The following TMTC1 variants were observed in gnomAD, a reference collection of about 807,000 sequenced individuals.
TMTC1 encodes transmembrane O-mannosyltransferase targeting cadherins 1.
TMTC1 carries 73 observed loss-of-function variants against 104.8 expected under a neutral mutation model. That is an observed-to-expected ratio of 0.70 (90% CI 0.58 to 0.85). The LOEUF (loss-of-function observed/expected upper bound fraction) is 0.85. TMTC1 is among the 40% of genes least tolerant of loss of function. The pLI, the probability that TMTC1 is intolerant of heterozygous loss-of-function variation, is 0.00. For synonymous variants in TMTC1, 434 were observed against 428.7 expected, an observed-to-expected ratio of 1.01 and a Z score of -0.15; for missense variants, 1,035 against 1,096.1, an observed-to-expected ratio of 0.94 and a Z score of 0.79.
intron 8 of TMTC1, among the ~76,000 whole-genome samples, chr12:29,581,070 GCA>G (rs1335074577): frequency 6.6e-6 from 1 of 152,124 alleles, no homozygotes; most frequent in Non-Finnish European, 1.5e-5. Flanking sequence ...AGAAATTAAA[GCA>G]CAGAGTGGAT....
chr12:29,612,919 A>G (rs1946882217), intron 6 of TMTC1, among the ~76,000 whole-genome samples: 1 of 152,230 alleles, frequency 6.6e-6, no homozygotes, highest in African/African-American at 2.4e-5. Context: ...CCTTCTTAGT[A>G]AGGAAAGTGA....
intron 5 of TMTC1, among the ~76,000 whole-genome samples, chr12:29,725,566 T>C (rs1942367421): frequency 6.6e-6 from 1 of 152,166 alleles, no homozygotes; most frequent in African/African-American, 2.4e-5. Context: ...AAAGGCAGAA[T>C]TGAAAGACTA....
chr12:29,571,508 G>A (rs1403541006), intron 9 of TMTC1, among the ~76,000 whole-genome samples: 1 of 151,906 alleles, frequency 6.6e-6, no homozygotes, highest in Non-Finnish European at 1.5e-5. Flanking sequence ...TTCTCTTGAA[G>A]CCATATCTAA....
intron 6 of TMTC1, among the ~76,000 whole-genome samples, chr12:29,628,290 T>C (rs1319395566): frequency 6.6e-6 from 1 of 152,100 alleles, no homozygotes; most frequent in Admixed American, 6.5e-5. Flanking sequence ...TATTCAGCCA[T>C]GAAAAGGAAC....
chr12:29,746,959 T>C (rs1379132992), intron 5 of TMTC1, among the ~76,000 whole-genome samples: 2 of 152,150 alleles, frequency 1.3e-5, no homozygotes, highest in African/African-American at 2.4e-5. Context: ...TGACACATAG[T>C]AGGTGCTCAG....
chr12:29,578,137 T>C (rs1467654240), intron 8 of TMTC1, among the ~76,000 whole-genome samples: 1 of 152,058 alleles, frequency 6.6e-6, no homozygotes, highest in African/African-American at 2.4e-5. Context: ...ACATGGTCTC[T>C]GCTGAGATCA....
chr12:29,783,476 G>A lies in TMTC1; in HGVS notation c.276C>T (p.Tyr92=), dbSNP rs1017268344. The change falls in exon 1 of 18, where the codon TAC becomes TAT. Residue 92 remains tyrosine, a synonymous_variant. Coordinates refer to ENST00000539277, the MANE Select transcript of TMTC1 (RefSeq NM_001193451.2). The surrounding 1 kb of genome is among the most constrained non-coding windows in gnomAD (Gnocchi z 4.7). ...GMAENTSHKS[Y]RPLCVLTFKL... ...TGAAGGTGAGGACGCAGAGCGGCCGGTAGGACTTGTGGCTGGTGTTCTCGG... is the reference window on the plus strand; with the variant it reads ...TGAAGGTGAGGACGCAGAGCGGCCGATAGGACTTGTGGCTGGTGTTCTCGG... 82 of 1,352,226 alleles carry A rather than the reference G, an allele frequency of 6.1e-5. No homozygotes were observed. Among genetic ancestry groups the A allele is most frequent in the Non-Finnish European group, 7.8e-5 (82 of 1,045,900 alleles). The allele number at this position is 1,352,226 out of a possible 1,614,324, so 83.8% of individuals were successfully genotyped here.
intron 11 of TMTC1, among the ~76,000 whole-genome samples, chr12:29,523,786 T>G (rs936667013): frequency 6.6e-6 from 1 of 152,018 alleles, no homozygotes; most frequent in Non-Finnish European, 1.5e-5. Flanking sequence ...AGAAAGAAAA[T>G]TCGCGTCTAT....
At chr12:29,561,889 C>A (rs1945387420) in intron 9 of TMTC1, among the ~76,000 whole-genome samples, 1 of 152,106 alleles carries the variant, frequency 6.6e-6, no homozygotes, top group South Asian at 2.1e-4. Context: ...ATGCTAAGGT[C>A]AGATGTTTAT....
chr12:29,681,663 T>TCC (rs112066731), intron 5 of TMTC1, among the ~76,000 whole-genome samples: 1 of 145,428 alleles, frequency 6.9e-6, no homozygotes, highest in Non-Finnish European at 1.5e-5. Flanking sequence ...ACAAGGCCCC[T>TCC]CCCCCTCCCA....
chr12:29,767,103 C>G (rs1943483058), intron 2 of TMTC1, among the ~76,000 whole-genome samples: 1 of 152,040 alleles, frequency 6.6e-6, no homozygotes, highest in South Asian at 2.1e-4. Flanking sequence ...GCACCCGCCA[C>G]TGCACCTGGC....
rs78850874 is a variant in TMTC1, at chr12:29,612,378, G to C, written c.1129-8079C>G. On this transcript the variant is annotated intron_variant, in intron 6 of 17. Coordinates refer to ENST00000539277, the MANE Select transcript of TMTC1 (RefSeq NM_001193451.2). ...AAGTACTCTGAATGCATGTGTGAAA[G>C]GTTTGAAATGGTTCATCCATTCATC... Among the ~76,000 whole-genome samples, 152 of 152,190 alleles carry C rather than the reference G, an allele frequency of 1.0e-3. 2 individuals carry two copies. Among genetic ancestry groups the C allele is most frequent in the African/African-American group, 3.5e-3 (147 of 41,494 alleles).
At position 29,593,813 on chromosome 12, in the gene TMTC1, G is replaced by A. The variant is rs79543260; in HGVS notation, c.1251-10239C>T. ...AAGAAATAAAAGTATTAACTGTTTG[G>A]AAGTTCAAGCAGGTTCTTTTTAGGA... On this transcript the variant is annotated intron_variant, in intron 7 of 17. Transcript: ENST00000539277. Among the ~76,000 whole-genome samples, 1,519 of 152,336 alleles carry A rather than the reference G, an allele frequency of 1.0e-2. 17 individuals are homozygous for A. The highest frequency in any genetic ancestry group is 0.024 in the Middle Eastern group (7 of 294).
At chr12:29,624,906 T>TA (rs1418220459) in intron 6 of TMTC1, among the ~76,000 whole-genome samples, 1 of 152,182 alleles carries the variant, frequency 6.6e-6, no homozygotes, top group Non-Finnish European at 1.5e-5. Context: ...AAGCCAAGGT[T>TA]GTTTTCTATG....
At chr12:29,517,345 G>T in intron 14 of TMTC1, 82 bp downstream of exon 14, 1 of 1,500,350 alleles carries the variant, frequency 6.7e-7, no homozygotes, top group Non-Finnish European at 9.1e-7. Context: ...TCCAGCTCCA[G>T]TTTTGAGGCG....
intron 10 of TMTC1, among the ~76,000 whole-genome samples, chr12:29,547,698 T>C (rs1268518862): frequency 1.3e-5 from 2 of 152,070 alleles, no homozygotes; most frequent in African/African-American, 4.8e-5. Context: ...TTACACAATA[T>C]GGGAGAGGAG....
intron 6 of TMTC1, among the ~76,000 whole-genome samples, chr12:29,618,960 A>G (rs1395379284): frequency 6.6e-6 from 1 of 152,218 alleles, no homozygotes; most frequent in Non-Finnish European, 1.5e-5. Context: ...TGAAAATATG[A>G]ATCATTATGA....
Position 29,520,640 on chromosome 12 carries a change from A to AT in TMTC1, c.1865dup (p.Tyr622Ter), listed in dbSNP as rs1944123796. 6.2e-7 allele frequency: 1 copy of AT among 1,613,178 alleles called. No homozygotes were observed. Residue 622 changes from tyrosine (Y) to a stop codon, truncating the protein, a stop_gained and frameshift_variant, in exon 12 of 18, where the codon TAT becomes TAAT. Coordinates refer to ENST00000539277, the MANE Select transcript of TMTC1 (RefSeq NM_001193451.2). LOFTEE classifies it high-confidence loss of function. ...CPDSSDLHNN[Y>*]GVFLVDTGLP... ...TACCAGTATCAACTAAGAAAACCCC[A>AT]TAGTTGTTGTGTAAATCTGAGCTGT... is the stretch of plus-strand genomic sequence containing the variant.
intron 5 of TMTC1, among the ~76,000 whole-genome samples, chr12:29,713,413 T>C (rs377165303): frequency 6.6e-6 from 1 of 151,350 alleles, no homozygotes; most frequent in Non-Finnish European, 1.5e-5. Flanking sequence ...CTCCATCAGT[T>C]TGGAGAACAT....
Sources: gnomAD v4.1 joint callset for allele counts (sites outside exome capture counted in the v4.1 genomes callset) on GRCh38, gnomAD v4.1.1 for gene constraint, Gnocchi (gnomAD v3.1) non-coding constraint, MANE v1.5 for transcripts, NCBI Gene and HGNC (gene_info 2026-07-23, HGNC 2026-07-21) for gene names.